The following GTF3C1 variants were observed in gnomAD, a reference collection of about 807,000 sequenced individuals.
GTF3C1 encodes general transcription factor 3C polypeptide 1.
In GTF3C1, 57 loss-of-function variants were observed where a neutral mutation model predicts 226.7. The observed-to-expected ratio is 0.25, with a 90% CI of 0.20 to 0.31. The LOEUF is 0.31. Among genes scored for constraint, GTF3C1 ranks in the 10% least tolerant of loss-of-function variants. The probability of loss-of-function intolerance (pLI) is 1.00; values close to 1 mark genes in which losing one functional copy is unlikely to be tolerated. For missense variants in GTF3C1, 2,217 were observed against 2,776.1 expected, an observed-to-expected ratio of 0.80 and a Z score of 4.53; for synonymous variants, 1,090 against 1,084.8, an observed-to-expected ratio of 1.00 and a Z score of -0.09.
At position 27,492,490 on chromosome 16, in the gene GTF3C1, G is replaced by A. The variant is rs2088247910; in HGVS notation, c.2999C>T (p.Ala1000Val). Residue 1000 changes from alanine (A) to valine (V), a missense_variant, in exon 19 of 37, where the codon GCA becomes GTA. Transcript: ENST00000356183. This position sits in a 1 kb window ranked among gnomAD's most constrained non-coding sequence, Gnocchi z 5.0. ...GCAGATGGTAGTGTCAACAATGACTGCATTCTTCTTCAAGAAGATAAAGAC... is the reference window on the plus strand; with the variant it reads ...GCAGATGGTAGTGTCAACAATGACTACATTCTTCTTCAAGAAGATAAAGAC... ...DQVFIFLKKN[A>V]VIVDTTICDP... is the part of the protein sequence containing the mutation. The A allele has an allele frequency of 1.2e-6, 2 of 1,612,992 alleles. No individual in the cohort carries two copies. Among genetic ancestry groups the A allele is most frequent in the East Asian group, 2.2e-5 (1 of 44,896 alleles).
At chr16:27,505,149 T>C (rs1309493756) in intron 10 of GTF3C1, among the ~76,000 whole-genome samples, 1 of 152,304 alleles carries the variant, frequency 6.6e-6, no homozygotes, top group African/African-American at 2.4e-5. Context: ...AGACATTCCT[T>C]ATCAACTGTC....
intron 4 of GTF3C1, 43 bp from the exon 5 acceptor site, chr16:27,533,430 TG>T (rs1294248379): frequency 5.9e-6 from 6 of 1,024,762 alleles, no homozygotes; most frequent in Non-Finnish European, 9.3e-6. Flanking sequence ...AACCTGTTGC[TG>T]AAGTCAATAT....
chr16:27,519,920 A>G (rs1040187866), intron 6 of GTF3C1, among the ~76,000 whole-genome samples: 4 of 152,196 alleles, frequency 2.6e-5, no homozygotes, highest in African/African-American at 7.2e-5. Context: ...TGGCATGGAC[A>G]ACAAGCAAGA....
intron 29 of GTF3C1, among the ~76,000 whole-genome samples, chr16:27,474,322 C>A (rs887125581): frequency 6.6e-6 from 1 of 152,160 alleles, no homozygotes; most frequent in African/African-American, 2.4e-5. Context: ...CCAGGTGCCA[C>A]CTGGAGATGG....
At chr16:27,519,374 T>G (rs545187948) in intron 6 of GTF3C1, among the ~76,000 whole-genome samples, 1 of 152,178 alleles carries the variant, frequency 6.6e-6, no homozygotes, top group Non-Finnish European at 1.5e-5. Flanking sequence ...GGAAGCTATT[T>G]CTGCAGTGGA....
chr16:27,505,297 C>A (rs1019773778), intron 10 of GTF3C1, among the ~76,000 whole-genome samples: 3 of 152,172 alleles, frequency 2.0e-5, no homozygotes, highest in Admixed American at 2.0e-4. Flanking sequence ...TGATTACTTT[C>A]TTTTTTATGA....
At chr16:27,481,355 C>A (rs2088044280) in intron 26 of GTF3C1, among the ~76,000 whole-genome samples, 164 bp from the exon 27 acceptor site, 1 of 152,150 alleles carries the variant, frequency 6.6e-6, no homozygotes, top group South Asian at 2.1e-4. Context: ...CACCTGTCAT[C>A]TGAGAAGCTC....
At chr16:27,506,230 A>C in intron 9 of GTF3C1, 114 bp from the exon 10 acceptor site, 1 of 621,314 alleles carries the variant, frequency 1.6e-6, no homozygotes, top group Non-Finnish European at 2.8e-6. Flanking sequence ...AGTCAGTTGA[A>C]AGGTGAGGGA....
In GTF3C1 at chr16:27,541,700, G is replaced by A. The variant is rs116116002; in HGVS notation, c.432-3344C>T. 7.0e-3 allele frequency among the ~76,000 whole-genome samples: 1,065 copies of A among 152,286 alleles called. 16 individuals carry two copies. Among genetic ancestry groups the A allele is most frequent in the African/African-American group, 0.024 (1,008 of 41,554 alleles). ...AATATTCTTGGCGAAGGAACAGCAC[G>A]AGGATTGCCTTGAGACAAAAAGGAG... On this transcript the variant is annotated intron_variant, in intron 2 of 36. Coordinates refer to ENST00000356183, the MANE Select transcript of GTF3C1 (RefSeq NM_001520.4).
chr16:27,499,909 T>C (rs959168023), intron 12 of GTF3C1, among the ~76,000 whole-genome samples: 2 of 152,160 alleles, frequency 1.3e-5, no homozygotes, highest in African/African-American at 4.8e-5. Context: ...CCTACGCTGG[T>C]ACTAGAGTCA....
chr16:27,504,304 G>C (rs550129537), intron 10 of GTF3C1, among the ~76,000 whole-genome samples: 8 of 152,348 alleles, frequency 5.3e-5, no homozygotes, highest in Non-Finnish European at 1.0e-4. Flanking sequence ...GGTGCAAAGG[G>C]GATGGCAGAG....
At chr16:27,498,595 C>A in intron 13 of GTF3C1, 35 bp downstream of exon 13, 1 of 1,037,144 alleles carries the variant, frequency 9.6e-7, no homozygotes, top group South Asian at 1.3e-5. Context: ...ACCTGGCAGC[C>A]TTGCTATGGG....
intron 12 of GTF3C1, among the ~76,000 whole-genome samples, chr16:27,499,109 G>A (rs1369359862): frequency 6.6e-6 from 1 of 152,208 alleles, no homozygotes; most frequent in Non-Finnish European, 1.5e-5. Flanking sequence ...TTTCCCAGTT[G>A]CTTGTGAGTC....
chr16:27,499,603 T>C (rs971269979), intron 12 of GTF3C1, among the ~76,000 whole-genome samples: 1 of 152,230 alleles, frequency 6.6e-6, no homozygotes, highest in Non-Finnish European at 1.5e-5. Context: ...ATGCCACACT[T>C]GGCTCATTTT....
At chr16:27,536,578 G>A (rs1053030066) in intron 4 of GTF3C1, among the ~76,000 whole-genome samples, 4 of 152,188 alleles carry the variant, frequency 2.6e-5, no homozygotes, top group Admixed American at 6.5e-5. Flanking sequence ...CTGGAGATCC[G>A]CAGTCAATAA....
At chr16:27,472,086 G>C (rs534523882) in intron 29 of GTF3C1, among the ~76,000 whole-genome samples, 166 bp from the exon 30 acceptor site, 3 of 152,150 alleles carry the variant, frequency 2.0e-5, no homozygotes, top group Admixed American at 6.5e-5. Context: ...GTGTGAGTGT[G>C]TGTATCAGGG....
chr16:27,473,795 T>G (rs185004320), intron 29 of GTF3C1, among the ~76,000 whole-genome samples: 1 of 152,148 alleles, frequency 6.6e-6, no homozygotes, highest in East Asian at 1.9e-4. Flanking sequence ...ATGCAGACCA[T>G]CAGACCTTAT....
At position 27,461,314 on chromosome 16, in the gene GTF3C1, G is replaced by A. The variant is rs1349513393; in HGVS notation, c.*36C>T. 1 of 1,360,842 alleles carries A rather than the reference G, an allele frequency of 7.3e-7. No individual in the cohort carries two copies. The highest frequency in any genetic ancestry group is 1.0e-6 in the Non-Finnish European group (1 of 963,490). The allele number at this position is 1,360,842 out of a possible 1,614,324, so 84.3% of individuals were successfully genotyped here. ...GCACCAGGCAGGAGTGGTGTGGCAG[G>A]CGGTGGCTGGGAGGGAGGGGACGCC... On this transcript the variant is annotated 3_prime_UTR_variant, in exon 37 of 37. Coordinates refer to ENST00000356183, the MANE Select transcript of GTF3C1 (RefSeq NM_001520.4). This position sits in a 1 kb window ranked among gnomAD's most constrained non-coding sequence, Gnocchi z 5.3.
At position 27,494,744 on chromosome 16, in the gene GTF3C1, T is replaced by C. The variant is rs202037180; in HGVS notation, c.2778+19A>G. 187 of 1,598,632 alleles carry C rather than the reference T, an allele frequency of 1.2e-4. 1 individual carries two copies. The East Asian group carries it at 4.0e-3, about 34-fold the overall frequency. On this transcript the variant is annotated intron_variant, in intron 16 of 36. Coordinates refer to ENST00000356183, the MANE Select transcript of GTF3C1 (RefSeq NM_001520.4). ...AGCTGAGGGGCAATTCCTGTGATAA[T>C]GGCTCCTGTCACCAATACCTTGTAG...
Sources: allele counts gnomAD v4.1 joint callset (sites outside exome capture counted in the v4.1 genomes callset), GRCh38; gene constraint gnomAD v4.1.1; non-coding constraint Gnocchi (gnomAD v3.1); transcripts MANE v1.5; gene names NCBI Gene and HGNC (gene_info 2026-07-23, HGNC 2026-07-21).